The following PCMT1 variants were observed in gnomAD, a reference collection of about 807,000 sequenced individuals.
The protein encoded by PCMT1 is protein-L-isoaspartate (D-aspartate) O-methyltransferase.
In PCMT1, 9 loss-of-function variants were observed where a neutral mutation model predicts 29.2. The ratio of observed to expected loss-of-function variants is 0.31; its 90% CI spans 0.19 to 0.54. The LOEUF (loss-of-function observed/expected upper bound fraction) is 0.54, where lower values mean the gene tolerates loss of function less well. PCMT1 is among the 20% of genes least tolerant of loss of function. The pLI, the probability that PCMT1 is intolerant of heterozygous loss-of-function variation, is 0.95. For synonymous variants in PCMT1, 98 were observed against 97.5 expected (o/e 1.00, Z -0.03); for missense variants, 184 against 282.2 (o/e 0.65, Z 2.49).
chr6:149,781,466 C>T (rs1373905064), intron 3 of PCMT1, among the ~76,000 whole-genome samples: 1 of 152,082 alleles, frequency 6.6e-6, no homozygotes, highest in Non-Finnish European at 1.5e-5. Flanking sequence ...ACCTCGTGAT[C>T]CGCCCACCTC....
intron 6 of PCMT1, among the ~76,000 whole-genome samples, chr6:149,798,476 T>TG (rs1368321831): frequency 6.6e-6 from 1 of 152,176 alleles, no homozygotes; most frequent in Non-Finnish European, 1.5e-5. Flanking sequence ...TAGTAATACT[T>TG]GCAAGTATTA....
At chr6:149,795,193 CAA>C (rs58391587) in intron 5 of PCMT1, 6,346 of 270,178 alleles carry the variant, frequency 0.023, 3 homozygotes, top group South Asian at 0.045. Flanking sequence ...GACTTCGTCT[CAA>C]AAAAAAAAAA....
intron 3 of PCMT1, among the ~76,000 whole-genome samples, chr6:149,775,608 C>T (rs1787530950): frequency 6.6e-6 from 1 of 151,804 alleles, no homozygotes; most frequent in African/African-American, 2.4e-5. Context: ...CAAGGGAGGC[C>T]AAGGCAGAAG....
intron 7 of PCMT1, 118 bp downstream of exon 7, chr6:149,802,534 A>C (rs1775869663): frequency 1.5e-6 from 2 of 1,291,238 alleles, no homozygotes; most frequent in South Asian, 5.6e-5. Flanking sequence ...AAAATGTTGC[A>C]TGGTCTGCCC....
rs1424211752 is a variant in PCMT1, at chr6:149,769,767, TA to T, written c.56-1392del. Among the ~76,000 whole-genome samples, 1,076 of 141,788 alleles carry T rather than the reference TA, an allele frequency of 7.6e-3. 31 individuals carry two copies. The highest frequency in any genetic ancestry group is 0.028 in the African/African-American group (1,039 of 36,504). The allele number at this position is 141,788 out of a possible 152,430, so 93.0% of individuals were successfully genotyped here. On this transcript the variant is annotated intron_variant, in intron 1 of 7. Transcript: ENST00000464889. ...GGTTGTGCCATGATCCCCAGCTAAT[TA>T]AATTTTTTTTTTTTTTTTTTTTTTT...
intron 1 of PCMT1, among the ~76,000 whole-genome samples, chr6:149,768,537 C>T (rs915877786): frequency 1.3e-5 from 2 of 150,350 alleles, no homozygotes; most frequent in African/African-American, 2.5e-5. Flanking sequence ...CTGCAACCTC[C>T]GCCTCCCAGG....
At chr6:149,771,438 A>G (rs572252478) in intron 2 of PCMT1, among the ~76,000 whole-genome samples, 172 bp downstream of exon 2, 5 of 152,224 alleles carry the variant, frequency 3.3e-5, no homozygotes, top group Non-Finnish European at 7.3e-5. Context: ...AAAATTATGT[A>G]TGTTTTTCTG....
rs1374581002 is a variant in PCMT1, at chr6:149,763,063, ATATATCTATGATATG to A, written c.56-8084_56-8070del. Among the ~76,000 whole-genome samples, 11 of 66,646 alleles carry A rather than the reference ATATATCTATGATATG, an allele frequency of 1.7e-4. 2 individuals are homozygous for A. The highest frequency in any genetic ancestry group is 1.4e-3 in the South Asian group (3 of 2,162). 43.7% of individuals were successfully genotyped at this position (66,646 alleles called of 152,430 possible). The stretch of plus-strand genomic sequence containing the variant: ...TCTATGATATGTATATCTATGATAT[ATATATCTATGATATG>A]TATATCTATGATATATATGATATAT... On this transcript the variant is annotated intron_variant, in intron 1 of 7. Coordinates refer to ENST00000464889, the MANE Select transcript of PCMT1 (RefSeq NM_001360452.2).
chr6:149,777,838 CTCCTTCCTTCCT>C (rs57578249), intron 3 of PCMT1, among the ~76,000 whole-genome samples: 2 of 139,444 alleles, frequency 1.4e-5, no homozygotes, highest in African/African-American at 5.3e-5. Flanking sequence ...CTTTCTTTTT[CTCCTTCCTTCCT>C]TCCTTCCTTC....
Position 149,810,749 on chromosome 6 carries a change from C to A in PCMT1, c.*171C>A. 1 of 705,812 alleles carries A rather than the reference C, an allele frequency of 1.4e-6. No homozygotes were observed. The highest frequency in any genetic ancestry group is 2.3e-6 in the Non-Finnish European group (1 of 433,112). 43.7% of individuals were successfully genotyped at this position (705,812 alleles called of 1,614,324 possible). ...GACTTTGTTACACTGTTATTTTCAG[C>A]ATGAAAATGTGTGTTTTTTTAGGGT... On this transcript the variant is annotated 3_prime_UTR_variant, in exon 8 of 8. Coordinates refer to ENST00000464889, the MANE Select transcript of PCMT1 (RefSeq NM_001360452.2).
chr6:149,750,070 C>A, intron 1 of PCMT1, 114 bp downstream of exon 1: 2 of 1,399,598 alleles, frequency 1.4e-6, no homozygotes, highest in South Asian at 2.9e-5. Context: ...TGGAGGGCTT[C>A]GGCGCAGAGT....
intron 1 of PCMT1, among the ~76,000 whole-genome samples, chr6:149,756,660 C>T (rs1210826281): frequency 6.6e-6 from 1 of 151,258 alleles, no homozygotes; most frequent in African/African-American, 2.4e-5. Flanking sequence ...CCCCTGCGCC[C>T]AGCCAGCATT....
chr6:149,764,094 C>T (rs1295631323), intron 1 of PCMT1, among the ~76,000 whole-genome samples: 1 of 152,108 alleles, frequency 6.6e-6, no homozygotes, highest in Non-Finnish European at 1.5e-5. Flanking sequence ...CTATGAATCA[C>T]CCTCTGGGAT....
intron 6 of PCMT1, among the ~76,000 whole-genome samples, chr6:149,799,423 A>G (rs1788734194): frequency 6.6e-6 from 1 of 152,238 alleles, no homozygotes; most frequent in African/African-American, 2.4e-5. Context: ...TCAGAGTACC[A>G]AACCATCAAA....
intron 3 of PCMT1, among the ~76,000 whole-genome samples, chr6:149,778,521 G>A (rs560389411): frequency 1.3e-5 from 2 of 151,838 alleles, no homozygotes; most frequent in East Asian, 1.9e-4. Context: ...GAGCCACTGC[G>A]TCTAGCCCTT....
intron 1 of PCMT1, among the ~76,000 whole-genome samples, chr6:149,764,224 A>C (rs577376762): frequency 7.2e-5 from 11 of 152,296 alleles, no homozygotes; most frequent in South Asian, 2.1e-4. Flanking sequence ...ATAGAAATCT[A>C]ACATCTTAAT....
At position 149,786,112 on chromosome 6, in the gene PCMT1, G is replaced by C. The variant is rs12178835; in HGVS notation, c.193-3842G>C. On this transcript the variant is annotated intron_variant, in intron 3 of 7. Transcript: ENST00000464889. ...CTCCTCCTTCCCAGTAGGGGCGGCC[G>C]GGCAGAGGCGCCCCTCACCTCCCGG... is the stretch of plus-strand genomic sequence containing the variant. 3.5e-5 allele frequency among the ~76,000 whole-genome samples: 3 copies of C among 85,838 alleles called. No individual in the cohort carries two copies. In the South Asian group the frequency reaches 1.2e-3, roughly 34 times the overall value. The allele number at this position is 85,838 out of a possible 152,430, so 56.3% of individuals were successfully genotyped here.
At chr6:149,750,510 G>A (rs1324211898) in intron 1 of PCMT1, among the ~76,000 whole-genome samples, 2 of 152,180 alleles carry the variant, frequency 1.3e-5, no homozygotes, top group Non-Finnish European at 2.9e-5. Context: ...GAAGATGAGA[G>A]TATTGCCATT....
intron 1 of PCMT1, among the ~76,000 whole-genome samples, chr6:149,759,549 C>T (rs1208586790): frequency 1.3e-5 from 2 of 151,984 alleles, no homozygotes; most frequent in Non-Finnish European, 2.9e-5. Flanking sequence ...GGCTGGAGTG[C>T]AATGGCGGGA....
Sources: allele counts gnomAD v4.1 joint callset (sites outside exome capture counted in the v4.1 genomes callset), GRCh38; gene constraint gnomAD v4.1.1; transcripts MANE v1.5; gene names NCBI Gene and HGNC (gene_info 2026-07-23, HGNC 2026-07-21).